PDZD8: variants seen among roughly 807,000 people sequenced by gnomAD.
PDZD8 encodes PDZ domain containing 8, also known as PDZ domain-containing protein 8.
PDZD8 carries 14 observed loss-of-function variants against 85.8 expected under a neutral mutation model. The observed-to-expected ratio is 0.16, with a 90% confidence interval of 0.11 to 0.26. The LOEUF is 0.26. PDZD8 is among the 10% of genes least tolerant of loss of function. The pLI, the probability that PDZD8 is intolerant of heterozygous loss-of-function variation, is 1.00. For synonymous variants in PDZD8, 592 were observed against 568.6 expected, an observed-to-expected ratio of 1.04 and a Z score of -0.59; for missense variants, 1,197 against 1,424.3, an observed-to-expected ratio of 0.84 and a Z score of 2.57.
At chr10:117,319,392 A>AACACACACACACAC (rs199983551) in intron 2 of PDZD8, among the ~76,000 whole-genome samples, 8 of 101,720 alleles carry the variant, frequency 7.9e-5, no homozygotes, top group Non-Finnish European at 1.1e-4. Flanking sequence ...ATTGCTCATA[A>AACACACACACACAC]ACACACACAC....
intron 1 of PDZD8, among the ~76,000 whole-genome samples, chr10:117,341,461 C>G (rs2133847195): frequency 6.6e-6 from 1 of 152,222 alleles, no homozygotes; most frequent in Admixed American, 6.5e-5. Flanking sequence ...ATGCATGTTC[C>G]ATGGAAATAA....
chr10:117,370,386 G>A (rs901078290), intron 1 of PDZD8, among the ~76,000 whole-genome samples: 9 of 152,084 alleles, frequency 5.9e-5, no homozygotes, highest in Admixed American at 4.6e-4. Context: ...ATTCACTTTA[G>A]CAACACGAAA....
intron 3 of PDZD8, among the ~76,000 whole-genome samples, chr10:117,292,462 T>C (rs1304877998): frequency 6.6e-6 from 1 of 152,200 alleles, no homozygotes; most frequent in East Asian, 1.9e-4. Flanking sequence ...AGCTGAAATT[T>C]AGAATGTAAG....
chr10:117,368,854 T>TG (rs1205239465), intron 1 of PDZD8, among the ~76,000 whole-genome samples: 6 of 76,822 alleles, frequency 7.8e-5, no homozygotes, highest in Non-Finnish European at 1.5e-4. Context: ...TGACAATGTT[T>TG]TTTTTTTTTT....
chr10:117,364,349 G>A (rs1845051191), intron 1 of PDZD8, among the ~76,000 whole-genome samples: 1 of 152,050 alleles, frequency 6.6e-6, no homozygotes, highest in African/African-American at 2.4e-5. Context: ...GTTAAAATAT[G>A]TTCCATAAAT....
intron 1 of PDZD8, among the ~76,000 whole-genome samples, chr10:117,366,080 TAG>T (rs1038799405): frequency 6.6e-6 from 1 of 151,996 alleles, no homozygotes; most frequent in Non-Finnish European, 1.5e-5. Context: ...CTTCATAGGA[TAG>T]AGAGAGGGAT....
chr10:117,308,154 T>A (rs1343386358), intron 3 of PDZD8, among the ~76,000 whole-genome samples: 1 of 152,128 alleles, frequency 6.6e-6, no homozygotes, highest in Non-Finnish European at 1.5e-5. Context: ...TGTCCATATT[T>A]TATCCTCAGT....
chr10:117,298,860 T>C (rs1417034664), intron 3 of PDZD8, among the ~76,000 whole-genome samples: 1 of 152,184 alleles, frequency 6.6e-6, no homozygotes, highest in Non-Finnish European at 1.5e-5. Flanking sequence ...GTTTTTTTTC[T>C]TTAAACATAT....
chr10:117,302,398 C>T (rs940302107), intron 3 of PDZD8, among the ~76,000 whole-genome samples: 1 of 152,186 alleles, frequency 6.6e-6, no homozygotes, highest in African/African-American at 2.4e-5. Flanking sequence ...AAGTATAACT[C>T]TTTGAAACAG....
chr10:117,301,043 C>T (rs994642282), intron 3 of PDZD8, among the ~76,000 whole-genome samples: 3 of 152,048 alleles, frequency 2.0e-5, no homozygotes, highest in African/African-American at 4.8e-5. Context: ...GGCTAGAGTG[C>T]AGTGGCATGA....
intron 1 of PDZD8, among the ~76,000 whole-genome samples, chr10:117,371,819 T>C (rs116734215): frequency 0.032 from 4,921 of 152,180 alleles, 86 homozygotes; most frequent in South Asian, 0.039. Context: ...GGCACACACC[T>C]GTGGTCCTAA....
chr10:117,287,109 G>GA lies in PDZD8; in HGVS notation c.1262-1639dup, dbSNP rs576975439. On this transcript the variant is annotated intron_variant, in intron 4 of 4. Coordinates refer to ENST00000334464, the MANE Select transcript of PDZD8 (RefSeq NM_173791.5). ...TTTAGTATTATCTTACTTCAGAGGA[G>GA]AAAATATCCCTCTATCTGTATACTT... Among the ~76,000 whole-genome samples the GA allele has an allele frequency of 2.0e-3, 306 of 152,248 alleles. 3 individuals are homozygous for GA. Among genetic ancestry groups the GA allele is most frequent in the South Asian group, 1.2e-3 (6 of 4,818 alleles).
intron 3 of PDZD8, among the ~76,000 whole-genome samples, chr10:117,293,462 G>A (rs1049024319): frequency 6.6e-6 from 1 of 151,936 alleles, no homozygotes; most frequent in Admixed American, 6.6e-5. Flanking sequence ...CACCTGAGAG[G>A]GTTTGGCTTT....
chr10:117,306,344 T>C (rs1338495422), intron 3 of PDZD8, among the ~76,000 whole-genome samples: 1 of 152,234 alleles, frequency 6.6e-6, no homozygotes, highest in Admixed American at 6.5e-5. Context: ...TACATCCTAA[T>C]GATTACCTTG....
chr10:117,373,523 C>A (rs1348686336), intron 1 of PDZD8, among the ~76,000 whole-genome samples: 1 of 148,564 alleles, frequency 6.7e-6, no homozygotes, highest in Non-Finnish European at 1.5e-5. Flanking sequence ...TTTGGGAGGC[C>A]GAGGCAGGCG....
At chr10:117,286,073 T>C (rs746193009) in intron 4 of PDZD8, among the ~76,000 whole-genome samples, 1 of 152,242 alleles carries the variant, frequency 6.6e-6, no homozygotes, top group Non-Finnish European at 1.5e-5. Flanking sequence ...AAGTAAGGGA[T>C]AAACTGCTTT....
intron 3 of PDZD8, among the ~76,000 whole-genome samples, chr10:117,315,423 T>A (rs947756209): frequency 2.0e-5 from 3 of 151,696 alleles, no homozygotes; most frequent in African/African-American, 7.3e-5. Flanking sequence ...GGTGAAACCC[T>A]GTCTCTACTA....
Position 117,284,453 on chromosome 10 carries a change from G to T in PDZD8, c.2280C>A (p.Pro760=). 6.2e-7 allele frequency: 1 copy of T among 1,614,122 alleles called. No homozygotes were observed. The highest frequency in any genetic ancestry group is 1.1e-5 in the South Asian group (1 of 91,080). The change falls in exon 5 of 5, where the codon CCC becomes CCA. Residue 760 remains proline, a synonymous_variant. Coordinates refer to ENST00000334464, the MANE Select transcript of PDZD8 (RefSeq NM_173791.5). ...EYLSKLRLEA[P]SPKAIVTRTA... is the part of the protein sequence containing the mutation. Reference sequence around the variant, plus strand: ...TTCTAGTGACTATAGCCTTAGGTGAGGGGGCTTCCAGTCTCAATTTGGAAA... The same window carrying T: ...TTCTAGTGACTATAGCCTTAGGTGATGGGGCTTCCAGTCTCAATTTGGAAA...
At chr10:117,325,135 C>G (rs1844292671) in intron 2 of PDZD8, among the ~76,000 whole-genome samples, 1 of 152,020 alleles carries the variant, frequency 6.6e-6, no homozygotes, top group Non-Finnish European at 1.5e-5. Context: ...CCCCTCTCCC[C>G]AACTGCCACC....
Sources: gnomAD v4.1 joint callset for allele counts (sites outside exome capture counted in the v4.1 genomes callset) on GRCh38, gnomAD v4.1.1 for gene constraint, MANE v1.5 for transcripts, NCBI Gene and HGNC (gene_info 2026-07-23, HGNC 2026-07-21) for gene names.